NAA15: variants seen among roughly 807,000 people sequenced by gnomAD.
NAA15 encodes N-terminal acetyltransferase.
In NAA15, 34 loss-of-function variants were observed where a neutral mutation model predicts 114.0. The ratio of observed to expected loss-of-function variants is 0.30; its 90% CI spans 0.23 to 0.40. NAA15 has a LOEUF of 0.40. NAA15 is among the 10% of genes least tolerant of loss of function. The probability of loss-of-function intolerance (pLI) is 1.00; values close to 1 mark genes in which losing one functional copy is unlikely to be tolerated. For synonymous variants in NAA15, 340 were observed against 338.0 expected (o/e 1.01, Z -0.06); for missense variants, 658 against 1,004.5 (o/e 0.66, Z 4.66).
chr4:139,344,377 A>C (rs1205475409), intron 6 of NAA15, 38 bp downstream of exon 6: 5 of 1,545,068 alleles, frequency 3.2e-6, no homozygotes, highest in Non-Finnish European at 4.4e-6. Context: ...CTAATATTGA[A>C]ATATGACAGA....
chr4:139,343,002 T>A, intron 5 of NAA15, 42 bp downstream of exon 5: 1 of 1,541,100 alleles, frequency 6.5e-7, no homozygotes, highest in Admixed American at 1.9e-5. Context: ...ATCCTAAGTA[T>A]AACTAAAAAA....
rs369259218 is a variant in NAA15, at chr4:139,360,514, G to A, written c.1425G>A (p.Ala475=). The change falls in exon 13 of 20, where the codon GCG becomes GCA. Residue 475 remains alanine, a synonymous_variant. Coordinates refer to ENST00000296543, the MANE Select transcript of NAA15 (RefSeq NM_057175.5). ...CSKFTREGTS[A]VENLNEMQCM... ...TTTCTGTATAGGAAGGAACATCAGC[G>A]GTAGAGAATTTGAATGAAATGCAGT... The A allele has an allele frequency of 1.8e-5, 28 of 1,589,510 alleles. No homozygotes were observed. The Admixed American group carries it at 2.0e-4, about 11-fold the overall frequency.
intron 6 of NAA15, among the ~76,000 whole-genome samples, chr4:139,345,015 T>TA (rs1178037251): frequency 6.6e-5 from 10 of 152,342 alleles, no homozygotes; most frequent in African/African-American, 2.4e-4. Flanking sequence ...AGTGATTTTT[T>TA]AAAAAATTAC....
At chr4:139,318,878 A>G (rs562562833) in intron 1 of NAA15, among the ~76,000 whole-genome samples, 5 of 152,130 alleles carry the variant, frequency 3.3e-5, no homozygotes, top group African/African-American at 2.4e-5. Context: ...AAACTTTCAT[A>G]TAAGTAACAG....
intron 15 of NAA15, among the ~76,000 whole-genome samples, chr4:139,372,669 T>C (rs1223316995): frequency 6.6e-6 from 1 of 152,146 alleles, no homozygotes; most frequent in East Asian, 1.9e-4. Flanking sequence ...CTTTGTAGGT[T>C]ATTTTAAAGG....
At chr4:139,325,771 C>T (rs772900190) in intron 1 of NAA15, among the ~76,000 whole-genome samples, 1 of 152,128 alleles carries the variant, frequency 6.6e-6, no homozygotes, top group South Asian at 2.1e-4. Context: ...ATCTCAGGTT[C>T]ATGAGTAGCA....
chr4:139,344,946 T>C (rs534895231), intron 6 of NAA15, among the ~76,000 whole-genome samples: 1 of 152,316 alleles, frequency 6.6e-6, no homozygotes, highest in South Asian at 2.1e-4. Context: ...TTAACAGTTT[T>C]AGAAGTTGAG....
At position 139,321,150 on chromosome 4, in the gene NAA15, AT is replaced by A. The variant is rs907162682; in HGVS notation, c.55-13017del. Among the ~76,000 whole-genome samples, 3 of 150,020 alleles carry A rather than the reference AT, an allele frequency of 2.0e-5. No individual in the cohort carries two copies. The South Asian group carries it at 6.4e-4, about 32-fold the overall frequency. ...CTTTTGCCAAAGCCAAATATTTCTA[AT>A]TTTTTTCTATTTAATCGACTCTGTT... On this transcript the variant is annotated intron_variant, in intron 1 of 19. Transcript: ENST00000296543.
intron 1 of NAA15, among the ~76,000 whole-genome samples, chr4:139,310,011 G>T (rs887969199): frequency 6.6e-6 from 1 of 152,172 alleles, no homozygotes; most frequent in African/African-American, 2.4e-5. Context: ...GGTGCTCGGT[G>T]TGATTGGGGG....
chr4:139,349,660 C>A, intron 7 of NAA15, 79 bp downstream of exon 7: 2 of 1,371,232 alleles, frequency 1.5e-6, no homozygotes, highest in Non-Finnish European at 2.0e-6. Context: ...AAAAGCACAA[C>A]TAGAATAATA....
At chr4:139,362,195 A>G (rs990083536) in intron 14 of NAA15, among the ~76,000 whole-genome samples, 5 of 152,254 alleles carry the variant, frequency 3.3e-5, no homozygotes, top group African/African-American at 1.2e-4. Context: ...TTTACCCAAA[A>G]TTATAAATTG....
chr4:139,313,728 GAGAC>G (rs1409178015), intron 1 of NAA15, among the ~76,000 whole-genome samples: 3 of 151,612 alleles, frequency 2.0e-5, no homozygotes, highest in Non-Finnish European at 4.4e-5. Context: ...AATTTTAGTA[GAGAC>G]AGGGTTTCTC....
intron 4 of NAA15, among the ~76,000 whole-genome samples, chr4:139,341,722 A>T (rs10013390): frequency 0.54 from 80,680 of 149,712 alleles, 23,883 homozygotes; most frequent in African/African-American, 0.81. Flanking sequence ...CAAAAAAAAA[A>T]TTTTTTTTTT....
rs1560952973 is a variant in NAA15 at position 139,315,040 on chromosome 4, G to GTTTA, written c.54+13209_54+13210insTTTA. Among the ~76,000 whole-genome samples the GTTTA allele has an allele frequency of 1.6e-3, 132 of 84,178 alleles. 4 individuals are homozygous for GTTTA. Among genetic ancestry groups the GTTTA allele is most frequent in the Middle Eastern group, 5.1e-3 (1 of 198 alleles). 55.2% of individuals were successfully genotyped at this position (84,178 alleles called of 152,430 possible). ...GGTTAGGTTAGGTTAGGTTAGGTTA[G>GTTTA]GTTAGGTTAGGTTAGTTTAGTTTAG... On this transcript the variant is annotated intron_variant, in intron 1 of 19. Transcript: ENST00000296543.
chr4:139,306,682 T>C (rs556582210), intron 1 of NAA15, among the ~76,000 whole-genome samples: 5 of 152,268 alleles, frequency 3.3e-5, no homozygotes, highest in Admixed American at 3.3e-4. Flanking sequence ...TAGAAAATTG[T>C]GGCCTTTGCC....
rs34641416 is a variant in NAA15, at chr4:139,331,137, A to G, written c.55-3037A>G. On this transcript the variant is annotated intron_variant, in intron 1 of 19. Coordinates refer to ENST00000296543, the MANE Select transcript of NAA15 (RefSeq NM_057175.5). ...TAAAAATAAATTTTCATGTGAAAGC[A>G]TATGTTGATGTCTAAAAGTCAGCTA... is the stretch of plus-strand genomic sequence containing the variant. Among the ~76,000 whole-genome samples, 1,490 of 152,262 alleles carry G rather than the reference A, an allele frequency of 9.8e-3. 10 individuals carry two copies. Among genetic ancestry groups the G allele is most frequent in the Non-Finnish European group, 0.014 (950 of 68,012 alleles).
intron 1 of NAA15, among the ~76,000 whole-genome samples, chr4:139,325,340 G>T (rs1388330002): frequency 6.6e-6 from 1 of 152,128 alleles, no homozygotes; most frequent in Admixed American, 6.5e-5. Context: ...GTAGGTGATG[G>T]AAAGAGCTTT....
chr4:139,380,523 G>GT (rs1467447356), intron 17 of NAA15, among the ~76,000 whole-genome samples: 4 of 152,110 alleles, frequency 2.6e-5, no homozygotes, highest in African/African-American at 9.7e-5. Flanking sequence ...CTTATAATCA[G>GT]TATGTAGATT....
intron 1 of NAA15, among the ~76,000 whole-genome samples, chr4:139,323,142 C>T (rs757654838): frequency 6.6e-6 from 1 of 151,184 alleles, no homozygotes; most frequent in African/African-American, 2.4e-5. Context: ...CTGTCACCTC[C>T]AGCTCCTGGG....
Sources: gnomAD v4.1 joint callset for allele counts (sites outside exome capture counted in the v4.1 genomes callset) on GRCh38, gnomAD v4.1.1 for gene constraint, MANE v1.5 for transcripts, NCBI Gene and HGNC (gene_info 2026-07-23, HGNC 2026-07-21) for gene names.